The following AHNAK2 variants were observed in gnomAD, a reference collection of about 807,000 sequenced individuals.
The protein encoded by AHNAK2 is protein AHNAK2.
In AHNAK2, 18 loss-of-function variants were observed where a neutral mutation model predicts 30.7. That is an observed-to-expected ratio of 0.59 (90% CI 0.41 to 0.87). AHNAK2 has a LOEUF of 0.87. AHNAK2 is among the 40% of genes least tolerant of loss of function. The pLI, the probability that AHNAK2 is intolerant of heterozygous loss-of-function variation, is 0.00. For missense variants in AHNAK2, 8,604 were observed against 7,373.0 expected, an observed-to-expected ratio of 1.17 and a Z score of -6.11; for synonymous variants, 3,590 against 3,073.8, an observed-to-expected ratio of 1.17 and a Z score of -5.56.
rs373180443 is a variant in AHNAK2, at chr14:104,953,846, G to A, written c.1605C>T (p.Ala535=). 1.8e-5 allele frequency: 29 copies of A among 1,613,758 alleles called. No individual in the cohort carries two copies. Among genetic ancestry groups the A allele is most frequent in the Admixed American group, 3.3e-5 (2 of 59,996 alleles). ...TTGGTTCCCTGCCCGGCATCCACCCGGCTCCTTCCACCTCCTCACCCTTCA... is the reference window on the plus strand; with the variant it reads ...TTGGTTCCCTGCCCGGCATCCACCCAGCTCCTTCCACCTCCTCACCCTTCA... ...TGLKGEEVEG[A]GWMPGREPTT... The change falls in exon 7 of 7, where the codon GCC becomes GCT. Residue 535 remains alanine (A), a synonymous_variant. Transcript: ENST00000333244.
At position 104,941,801 on chromosome 14, in the gene AHNAK2, C is replaced by T. The variant is rs888311487; in HGVS notation, c.13650G>A (p.Glu4550=). The T allele has an allele frequency of 6.2e-7, 1 of 1,613,434 alleles. No individual in the cohort carries two copies. Among genetic ancestry groups the T allele is most frequent in the Non-Finnish European group, 8.5e-7 (1 of 1,179,746 alleles). Residue 4550 remains glutamate (E), a synonymous_variant, in exon 7 of 7, where the codon GAG becomes GAA. Coordinates refer to ENST00000333244, the MANE Select transcript of AHNAK2 (RefSeq NM_138420.4). The stretch of plus-strand genomic sequence containing the variant: ...CTTTGGGCATCTTGAAACTGGGCAT[C>T]TCCACCTTGGGCAGGTGCCCTTTGA... ...AGLKGHLPKV[E]MPSFKMPKVD...
At position 104,944,973 on chromosome 14, in the gene AHNAK2, T is replaced by G. The variant is rs201305893; in HGVS notation, c.10478A>C (p.Glu3493Ala). ...CGGCGCAGACACATCCAGCGAGGCC[T>G]CGATGGACCTGCCTGGGGCCGACAC... ...FGVSAPGRSI[E>A]ASLDVSAPKV... Residue 3493 changes from glutamate to alanine, a missense_variant, in exon 7 of 7, where the codon GAG (glutamate) becomes GCG (alanine). Coordinates refer to ENST00000333244, the MANE Select transcript of AHNAK2 (RefSeq NM_138420.4). 1.1e-4 allele frequency: 179 copies of G among 1,612,968 alleles called. No individual in the cohort carries two copies. In the African/African-American group the frequency reaches 2.1e-3, roughly 19 times the overall value.
At position 104,940,916 on chromosome 14, in the gene AHNAK2, G is replaced by C. The variant is rs74090119; in HGVS notation, c.14535C>G (p.His4845Gln). The C allele has an allele frequency of 2.5e-6, 4 of 1,612,666 alleles. No homozygotes were observed. The highest frequency in any genetic ancestry group is 3.4e-6 in the Non-Finnish European group (4 of 1,179,622). Residue 4845 changes from histidine to glutamine, a missense_variant, in exon 7 of 7, where the codon CAC (histidine) becomes CAG (glutamine). Coordinates refer to ENST00000333244, the MANE Select transcript of AHNAK2 (RefSeq NM_138420.4). The surrounding 1 kb of genome is among the most constrained non-coding windows in gnomAD (Gnocchi z 4.4). The stretch of plus-strand genomic sequence containing the variant: ...GAATCATGGAATTCAGTGGGCCAGA[G>C]TGACTCTCAGCTTGAGATGTTGGAA... ...EGVPTSQAES[H>Q]SGPLNSMIPV...
rs1386236727 is a variant in AHNAK2 at position 104,950,735 on chromosome 14, G to C, written c.4716C>G (p.Leu1572=). The change falls in exon 7 of 7, where the codon CTC becomes CTG. Residue 1572 remains leucine (L), a synonymous_variant. Transcript: ENST00000333244. ...TCTGCACTTTGGGCAGGTGCCCTTT[G>C]AGGCCGGCTCCCTCGGACACAGGGC... ...PEGPVSEGAG[L]KGHLPKVQMP... The C allele has an allele frequency of 1.3e-6, 2 of 1,587,934 alleles. No homozygotes were observed. The highest frequency in any genetic ancestry group is 3.5e-5 in the Admixed American group (2 of 57,542).
chr14:104,977,660 C>T (rs79062923), intron 1 of AHNAK2, among the ~76,000 whole-genome samples: 5,056 of 152,262 alleles, frequency 0.033, 122 homozygotes, highest in Non-Finnish European at 0.054. Flanking sequence ...AAGTGGAGAG[C>T]CCAGACTCCT....
In AHNAK2 at chr14:104,954,537, G is replaced by A. The variant is rs371943904; in HGVS notation, c.914C>T (p.Thr305Met). 195 of 1,610,050 alleles carry A rather than the reference G, an allele frequency of 1.2e-4. No individual in the cohort carries two copies. Among genetic ancestry groups the A allele is most frequent in the Non-Finnish European group, 1.5e-4 (179 of 1,178,632 alleles). ...PTSTDTEAQL[T>M]VERQEQKAGP... ...TGCCTTCTGCTCTTGGCGCTCCACCGTGAGCTGGGCCTCTGTGTCTGTGCT... is the reference window on the plus strand; with the variant it reads ...TGCCTTCTGCTCTTGGCGCTCCACCATGAGCTGGGCCTCTGTGTCTGTGCT... Residue 305 changes from threonine (T) to methionine (M), a missense_variant, in exon 7 of 7, where the codon ACG (threonine) becomes ATG (methionine). Physicochemically the swap from Thr to Met is moderately conservative, Grantham distance 81. Coordinates refer to ENST00000333244, the MANE Select transcript of AHNAK2 (RefSeq NM_138420.4). The surrounding 1 kb of genome is among the most constrained non-coding windows in gnomAD (Gnocchi z 4.3).
At chr14:104,969,885 A>G (rs10133168) in intron 1 of AHNAK2, among the ~76,000 whole-genome samples, 24,361 of 152,110 alleles carry the variant, frequency 0.16, 3,573 homozygotes, top group East Asian at 0.53. Flanking sequence ...CCTGTGATGG[A>G]GCTACCCATC....
intron 1 of AHNAK2, among the ~76,000 whole-genome samples, chr14:104,962,006 C>T (rs1231434584): frequency 6.6e-6 from 1 of 152,142 alleles, no homozygotes; most frequent in Non-Finnish European, 1.5e-5. Flanking sequence ...ACCTAGATCT[C>T]CTTTTTGAAA....
intron 1 of AHNAK2, among the ~76,000 whole-genome samples, chr14:104,967,535 G>A (rs1367491550): frequency 6.6e-6 from 1 of 152,338 alleles, no homozygotes; most frequent in East Asian, 1.9e-4. Flanking sequence ...GACCAGCCCT[G>A]CTCCTGCTGG....
At position 104,939,477 on chromosome 14, in the gene AHNAK2, A is replaced by G. The variant is rs577856552; in HGVS notation, c.15974T>C (p.Ile5325Thr). 8.1e-6 allele frequency: 13 copies of G among 1,613,420 alleles called. No homozygotes were observed. In the East Asian group the frequency reaches 2.9e-4, roughly 36 times the overall value. Residue 5325 changes from isoleucine (I) to threonine (T), a missense_variant, in exon 7 of 7, where the codon ATA (isoleucine) becomes ACA (threonine). Transcript: ENST00000333244. ...TGGCTTGGAAAGAGGAGTCTCATCT[A>G]TTTCTCCTGGAAGAACCTGGGTTTC... ...LPETQVLPGE[I>T]DETPLSKPGH... is the part of the protein sequence containing the mutation.
intron 1 of AHNAK2, among the ~76,000 whole-genome samples, chr14:104,973,963 C>T (rs1031415708): frequency 6.6e-6 from 1 of 152,186 alleles, no homozygotes; most frequent in Non-Finnish European, 1.5e-5. Flanking sequence ...GGAGTACCGC[C>T]TCCCGCCCCA....
chr14:104,952,096 C>A lies in AHNAK2; in HGVS notation c.3355G>T (p.Ala1119Ser). The A allele has an allele frequency of 6.2e-7, 1 of 1,612,890 alleles. No individual in the cohort carries two copies. The highest frequency in any genetic ancestry group is 1.3e-5 in the African/African-American group (1 of 74,368). ...DLKSPKAEVT[A>S]PDVEVSLPSV... ...GGCAGAGACACCTCCACATCAGGGG[C>A]TGTGACTTCCGCCTTGGGGCTTTTC... is the stretch of plus-strand genomic sequence containing the variant. The change falls in exon 7 of 7, where the codon GCC (alanine) becomes TCC (serine). Residue 1119 changes from alanine to serine, a missense_variant. Transcript: ENST00000333244.
chr14:104,965,998 G>A (rs916093315), intron 1 of AHNAK2, among the ~76,000 whole-genome samples: 12 of 152,152 alleles, frequency 7.9e-5, no homozygotes, highest in African/African-American at 1.7e-4. Context: ...CTGCCTGCGC[G>A]GGCCCCTGCC....
Position 104,945,219 on chromosome 14 carries a change from A to C in AHNAK2, c.10232T>G (p.Val3411Gly), listed in dbSNP as rs1392299553. 6.2e-7 allele frequency: 1 copy of C among 1,612,618 alleles called. No individual in the cohort carries two copies. Reference sequence around the variant, plus strand: ...GTCCAGCTTGGGGCCCTTGATGTCCACCTGGGGGCTCTTGAGGTCCACTTT... The same window carrying C: ...GTCCAGCTTGGGGCCCTTGATGTCCCCCTGGGGGCTCTTGAGGTCCACTTT... ...MPKVDLKSPQ[V>G]DIKGPKLDLK... Residue 3411 changes from valine (V) to glycine (G), a missense_variant, in exon 7 of 7, where the codon GTG (valine) becomes GGG (glycine). Physicochemically the swap from Val to Gly is moderately radical, Grantham distance 109. Transcript: ENST00000333244.
intron 1 of AHNAK2, among the ~76,000 whole-genome samples, chr14:104,963,591 G>C (rs889550622): frequency 3.3e-5 from 5 of 152,176 alleles, no homozygotes; most frequent in Non-Finnish European, 5.9e-5. Flanking sequence ...AACACTTTGG[G>C]AGGCCGAGGC....
chr14:104,967,578 G>A (rs942812548), intron 1 of AHNAK2, among the ~76,000 whole-genome samples: 9 of 152,178 alleles, frequency 5.9e-5, no homozygotes, highest in South Asian at 2.1e-4. Context: ...TGGCCCACGC[G>A]GGACAGTCCC....
In AHNAK2 at chr14:104,949,011, G is replaced by A; in HGVS notation, c.6440C>T (p.Thr2147Ile). The A allele has an allele frequency of 8.7e-7, 1 of 1,155,440 alleles. No individual in the cohort carries two copies. Among genetic ancestry groups the A allele is most frequent in the South Asian group, 1.4e-5 (1 of 69,814 alleles). 71.6% of individuals were successfully genotyped at this position (1,155,440 alleles called of 1,614,324 possible). The change falls in exon 7 of 7, where the codon ACT (threonine) becomes ATT (isoleucine). Residue 2147 changes from threonine (T) to isoleucine (I), a missense_variant. Transcript: ENST00000333244. Reference sequence around the variant, plus strand: ...CATTTTGAACTTGCTGTCTTTGGTAGTCAGGTCCTTGTTGGCCAGGGTCAG... The same window carrying A: ...CATTTTGAACTTGCTGTCTTTGGTAATCAGGTCCTTGTTGGCCAGGGTCAG... ...GDLTLANKDL[T>I]TKDSKFKMPK...
At chr14:104,957,789 A>C in intron 1 of AHNAK2, 117 bp from the exon 2 acceptor site, 1 of 1,089,730 alleles carries the variant, frequency 9.2e-7, no homozygotes, top group Non-Finnish European at 1.3e-6. Flanking sequence ...TTTCCTGGAC[A>C]CTGGATCGGA....
Position 104,944,270 on chromosome 14 carries a change from G to T in AHNAK2, c.11181C>A (p.Pro3727=), listed in dbSNP as rs1898139293. The change falls in exon 7 of 7, where the codon CCC becomes CCA. Residue 3727 remains proline, a synonymous_variant. Coordinates refer to ENST00000333244, the MANE Select transcript of AHNAK2 (RefSeq NM_138420.4). ...GGTCCACTTTGGGCATCTTCAAACT[G>T]GGCATCTCCACCTTGGGCAGGTGCT... ...LKEHLPKVEM[P]SLKMPKVDLK... The T allele has an allele frequency of 6.2e-7, 1 of 1,612,582 alleles. No homozygotes were observed. The highest frequency in any genetic ancestry group is 1.7e-5 in the Admixed American group (1 of 59,904).
Sources: allele counts gnomAD v4.1 joint callset (sites outside exome capture counted in the v4.1 genomes callset), GRCh38; gene constraint gnomAD v4.1.1; non-coding constraint Gnocchi (gnomAD v3.1); transcripts MANE v1.5; gene names NCBI Gene and HGNC (gene_info 2026-07-23, HGNC 2026-07-21).